STXBP5L: variants seen among roughly 807,000 people sequenced by gnomAD.
STXBP5L encodes the protein syntaxin binding protein 5L, also known as syntaxin-binding protein 5-like.
In STXBP5L, 65 loss-of-function variants were observed where a neutral mutation model predicts 144.5. The observed-to-expected ratio is 0.45, with a 90% CI of 0.37 to 0.55. The LOEUF (loss-of-function observed/expected upper bound fraction) is 0.55. Among genes scored for constraint, STXBP5L ranks in the 20% least tolerant of loss-of-function variants. STXBP5L has a pLI of 0.00. For synonymous variants in STXBP5L, 505 were observed against 469.6 expected, an observed-to-expected ratio of 1.08 and a Z score of -0.97; for missense variants, 1,298 against 1,405.5, an observed-to-expected ratio of 0.92 and a Z score of 1.22.
At chr3:121,245,444 A>G (rs528286134) in intron 14 of STXBP5L, among the ~76,000 whole-genome samples, 40 of 151,954 alleles carry the variant, frequency 2.6e-4, no homozygotes, top group Non-Finnish European at 5.3e-4. Context: ...TGGCATTAGT[A>G]AATTATTCTG....
At chr3:120,979,129 G>T (rs1941448710) in intron 3 of STXBP5L, among the ~76,000 whole-genome samples, 1 of 152,114 alleles carries the variant, frequency 6.6e-6, no homozygotes, top group Admixed American at 6.6e-5. Flanking sequence ...CTTTTTGTTT[G>T]TCTGTGCCTT....
intron 3 of STXBP5L, among the ~76,000 whole-genome samples, chr3:120,993,620 G>C (rs893577020): frequency 6.6e-6 from 1 of 151,986 alleles, no homozygotes; most frequent in East Asian, 1.9e-4. Flanking sequence ...TAAATATGTG[G>C]ATTTATTTGT....
Position 121,257,259 on chromosome 3 carries a change from T to C in STXBP5L, c.1758T>C (p.Ser586=), listed in dbSNP as rs770147441. 1.2e-6 allele frequency: 2 copies of C among 1,613,782 alleles called. No homozygotes were observed. The highest frequency in any genetic ancestry group is 1.7e-6 in the Non-Finnish European group (2 of 1,179,860). ...PFPDLSAQLP[S]SRSLSGSTNT... ...CAGATCTCTCAGCCCAGCTTCCTTC[T>C]TCAAGGAGTCTTTCTGGGAGCACTA... Residue 586 remains serine, a synonymous_variant, in exon 17 of 27, where the codon TCT becomes TCC. Coordinates refer to ENST00000471454, the MANE Select transcript of STXBP5L (RefSeq NM_001308330.2).
chr3:121,084,699 T>G (rs2042406537), intron 5 of STXBP5L, among the ~76,000 whole-genome samples: 1 of 152,206 alleles, frequency 6.6e-6, no homozygotes, highest in Non-Finnish European at 1.5e-5. Flanking sequence ...ATAAAATGAT[T>G]TACATTCCTT....
intron 9 of STXBP5L, among the ~76,000 whole-genome samples, chr3:121,161,060 C>A (rs1278750812): frequency 6.6e-6 from 1 of 151,928 alleles, no homozygotes; most frequent in East Asian, 1.9e-4. Context: ...TGCTTTAAAT[C>A]ATCATGTCTT....
chr3:121,030,556 CATT>C (rs375803313), intron 3 of STXBP5L, among the ~76,000 whole-genome samples: 37 of 152,058 alleles, frequency 2.4e-4, no homozygotes, highest in African/African-American at 8.9e-4. Flanking sequence ...GGATGGATAA[CATT>C]AGGAGAAATA....
At chr3:120,939,623 A>G (rs1206483347) in intron 2 of STXBP5L, among the ~76,000 whole-genome samples, 2 of 152,202 alleles carry the variant, frequency 1.3e-5, no homozygotes, top group African/African-American at 2.4e-5. Flanking sequence ...AATCAGACGA[A>G]AGCAACAGCA....
intron 10 of STXBP5L, among the ~76,000 whole-genome samples, chr3:121,210,308 T>G (rs2048508321): frequency 6.6e-6 from 1 of 151,074 alleles, no homozygotes; most frequent in Admixed American, 6.6e-5. Context: ...AAATTTAAGT[T>G]CATTGTAGAT....
chr3:121,287,784 G>A (rs1156252328), intron 19 of STXBP5L, among the ~76,000 whole-genome samples: 6 of 151,876 alleles, frequency 4.0e-5, no homozygotes, highest in Admixed American at 6.6e-5. Context: ...AGCCGAGATC[G>A]CGCCACTGCA....
At position 121,285,026 on chromosome 3, in the gene STXBP5L, AT is replaced by A. The variant is rs559055697; in HGVS notation, c.2110+5072del. ...TTTAACTATTGGATAATATAATCTGATTATATTTCTATAGTCTCACTTTATT... is the reference window on the plus strand; with the variant it reads ...TTTAACTATTGGATAATATAATCTGATATATTTCTATAGTCTCACTTTATT... On this transcript the variant is annotated intron_variant, in intron 19 of 26. Transcript: ENST00000471454. Among the ~76,000 whole-genome samples, 645 of 152,206 alleles carry A rather than the reference AT, an allele frequency of 4.2e-3. 5 individuals are homozygous for A. The highest frequency in any genetic ancestry group is 0.015 in the African/African-American group (615 of 41,560).
chr3:120,980,192 G>C (rs1941603410), intron 3 of STXBP5L, among the ~76,000 whole-genome samples: 1 of 152,164 alleles, frequency 6.6e-6, no homozygotes, highest in Non-Finnish European at 1.5e-5. Flanking sequence ...TATATATTGT[G>C]TGGTTGTTGG....
chr3:121,306,013 A>T (rs2043325592), intron 19 of STXBP5L, among the ~76,000 whole-genome samples: 1 of 152,230 alleles, frequency 6.6e-6, no homozygotes, highest in Admixed American at 6.5e-5. Flanking sequence ...CTTTAAAAAA[A>T]TACCATGTAC....
intron 20 of STXBP5L, among the ~76,000 whole-genome samples, chr3:121,352,864 C>A (rs1328769983): frequency 1.3e-5 from 2 of 152,066 alleles, no homozygotes; most frequent in Non-Finnish European, 2.9e-5. Flanking sequence ...CCATCAATAT[C>A]TAGTTTATTG....
intron 9 of STXBP5L, among the ~76,000 whole-genome samples, chr3:121,159,911 C>T (rs1456342878): frequency 6.6e-6 from 1 of 152,116 alleles, no homozygotes; most frequent in Non-Finnish European, 1.5e-5. Flanking sequence ...GGATTACAGG[C>T]GTGAGCCACC....
At chr3:121,059,703 C>G (rs1438330600) in intron 5 of STXBP5L, among the ~76,000 whole-genome samples, 1 of 152,064 alleles carries the variant, frequency 6.6e-6, no homozygotes, top group Admixed American at 6.6e-5. Flanking sequence ...CCCTTGTAAG[C>G]TGTATTCCTA....
chr3:121,051,547 A>G (rs1240369795), intron 5 of STXBP5L, among the ~76,000 whole-genome samples: 4 of 152,228 alleles, frequency 2.6e-5, no homozygotes, highest in Non-Finnish European at 2.9e-5. Context: ...ACGAAAACAA[A>G]GACACAACAT....
chr3:121,190,542 A>G (rs984762306), intron 9 of STXBP5L, among the ~76,000 whole-genome samples: 3 of 152,192 alleles, frequency 2.0e-5, no homozygotes, highest in Non-Finnish European at 4.4e-5. Flanking sequence ...CATCGTCATC[A>G]TGGCCCCTTC....
intron 3 of STXBP5L, among the ~76,000 whole-genome samples, chr3:121,024,888 A>G (rs548626887): frequency 3.3e-5 from 5 of 152,186 alleles, no homozygotes; most frequent in Non-Finnish European, 7.4e-5. Context: ...TTCTACTTCT[A>G]TCATGCCCTG....
intron 19 of STXBP5L, among the ~76,000 whole-genome samples, chr3:121,286,494 A>T (rs1180630915): frequency 6.6e-6 from 1 of 152,174 alleles, no homozygotes; most frequent in Non-Finnish European, 1.5e-5. Flanking sequence ...TGAAACAATT[A>T]TGGTCTTTTC....
Sources: gnomAD v4.1 joint callset for allele counts (sites outside exome capture counted in the v4.1 genomes callset) on GRCh38, gnomAD v4.1.1 for gene constraint, MANE v1.5 for transcripts, NCBI Gene and HGNC (gene_info 2026-07-23, HGNC 2026-07-21) for gene names.